Variants in AGTPBP1 observed in about 807,000 individuals in gnomAD.
The protein encoded by AGTPBP1 is cytosolic carboxypeptidase 1.
AGTPBP1 carries 70 observed loss-of-function variants against 143.9 expected under a neutral mutation model. The ratio of observed to expected loss-of-function variants is 0.49; its 90% CI spans 0.40 to 0.59. The LOEUF is 0.59. AGTPBP1 is among the 20% of genes least tolerant of loss of function. AGTPBP1 has a pLI of 0.00. For synonymous variants in AGTPBP1, 463 were observed against 500.2 expected (o/e 0.93, Z 0.99); for missense variants, 1,229 against 1,464.5 (o/e 0.84, Z 2.62).
At chr9:85,584,342 G>T (rs572977325) in intron 23 of AGTPBP1, among the ~76,000 whole-genome samples, 1 of 152,042 alleles carries the variant, frequency 6.6e-6, no homozygotes, top group Admixed American at 6.5e-5. Flanking sequence ...CTTTATCCTG[G>T]GCTTTGTCTC....
chr9:85,678,198 T>C (rs768639586), intron 5 of AGTPBP1, 137 bp downstream of exon 5: 1 of 552,178 alleles, frequency 1.8e-6, no homozygotes, highest in Non-Finnish European at 3.1e-6. Flanking sequence ...AACAACAAAC[T>C]ATGACATTTC....
chr9:85,700,666 TAAG>T (rs1025934781), intron 2 of AGTPBP1, among the ~76,000 whole-genome samples: 1 of 152,216 alleles, frequency 6.6e-6, no homozygotes, highest in Non-Finnish European at 1.5e-5. Flanking sequence ...CTTTTAAGAA[TAAG>T]ATGTGCATCC....
At chr9:85,775,817 T>A in the AGTPBP1 span, among the ~76,000 whole-genome samples, 1 of 152,104 alleles carries the variant, frequency 6.6e-6, no homozygotes, top group Non-Finnish European at 1.5e-5. Flanking sequence ...GCCTGCTTTA[T>A]ATTCATTGGC....
rs1389416715 is a variant in AGTPBP1 at position 85,681,255 on chromosome 9, G to A, written c.225+13C>T. 1.2e-6 allele frequency: 2 copies of A among 1,610,634 alleles called. No homozygotes were observed. The highest frequency in any genetic ancestry group is 3.4e-5 in the Admixed American group (2 of 59,620). ...ATTAGTAGTTACATAATTAAAGCGTGTCACTGATTTACCTCTAATGTTGAC... is the reference window on the plus strand; with the variant it reads ...ATTAGTAGTTACATAATTAAAGCGTATCACTGATTTACCTCTAATGTTGAC... On this transcript the variant is annotated intron_variant, in intron 4 of 25. Transcript: ENST00000357081.
the AGTPBP1 span, chr9:85,781,225 G>GA: frequency 6.6e-7 from 1 of 1,517,748 alleles, no homozygotes; most frequent in African/African-American, 1.4e-5. Flanking sequence ...AGGCATTATG[G>GA]AAACTTTCAA....
At chr9:85,770,388 A>G in the AGTPBP1 span, 7 of 1,604,628 alleles carry the variant, frequency 4.4e-6, no homozygotes, top group Non-Finnish European at 5.1e-6. Flanking sequence ...CACTTAGAGC[A>G]TCATTCCATA....
intron 25 of AGTPBP1, among the ~76,000 whole-genome samples, chr9:85,568,846 G>T (rs183233600): frequency 6.6e-6 from 1 of 152,256 alleles, no homozygotes; most frequent in East Asian, 1.9e-4. Context: ...GGACAGGGGT[G>T]GCTAAGAATG....
Position 85,648,310 on chromosome 9 carries a change from C to T in AGTPBP1, c.1088-1892G>A, listed in dbSNP as rs144629145. 3.0e-4 allele frequency among the ~76,000 whole-genome samples: 45 copies of T among 152,236 alleles called. 1 individual carries two copies. In the East Asian group the frequency reaches 7.9e-3, roughly 27 times the overall value. On this transcript the variant is annotated intron_variant, in intron 11 of 25. Coordinates refer to ENST00000357081, the MANE Select transcript of AGTPBP1 (RefSeq NM_001330701.2). Reference sequence around the variant, plus strand: ...ACTGTGCTACTGGGTCTCTTTGTAACAGCAGTTTAGTCGACCCTAACTAAT... The same window carrying T: ...ACTGTGCTACTGGGTCTCTTTGTAATAGCAGTTTAGTCGACCCTAACTAAT...
chr9:85,775,752 G>A, the AGTPBP1 span, among the ~76,000 whole-genome samples: 1 of 151,956 alleles, frequency 6.6e-6, no homozygotes, highest in Non-Finnish European at 1.5e-5. Context: ...CATTCAGCAT[G>A]GGAGAAAGAT....
intron 1 of AGTPBP1, among the ~76,000 whole-genome samples, chr9:85,721,042 G>A (rs1838077516): frequency 1.3e-5 from 2 of 152,100 alleles, no homozygotes. Flanking sequence ...AGTTTGTTGT[G>A]ATTTCTGCTC....
intron 7 of AGTPBP1, among the ~76,000 whole-genome samples, chr9:85,670,064 G>A (rs1834389485): frequency 6.6e-6 from 1 of 152,182 alleles, no homozygotes. Flanking sequence ...AGACATTTCT[G>A]GAGAAAATGA....
rs541856040 is a variant in AGTPBP1 at position 85,635,279 on chromosome 9, A to G, written c.1303-1905T>C. Among the ~76,000 whole-genome samples, 4 of 152,302 alleles carry G rather than the reference A, an allele frequency of 2.6e-5. No homozygotes were observed. In the East Asian group the frequency reaches 7.7e-4, roughly 29 times the overall value. The stretch of plus-strand genomic sequence containing the variant: ...ATGGAGTCCAAATTAAGAATCTTCC[A>G]TTGTGATTTATTCCTTGAATGTCCA... On this transcript the variant is annotated intron_variant, in intron 13 of 25. Transcript: ENST00000357081.
chr9:85,714,732 T>G lies in AGTPBP1; in HGVS notation c.-33-2166A>C, dbSNP rs150717124. ...ATTATATAGCATTCCTTAAAATAAT[T>G]ATAGATATTGGTATTGTTTCTGGCA... is the stretch of plus-strand genomic sequence containing the variant. On this transcript the variant is annotated intron_variant, in intron 1 of 25. Coordinates refer to ENST00000357081, the MANE Select transcript of AGTPBP1 (RefSeq NM_001330701.2). Among the ~76,000 whole-genome samples, 401 of 152,300 alleles carry G rather than the reference T, an allele frequency of 2.6e-3. 3 individuals carry two copies. The highest frequency in any genetic ancestry group is 9.3e-3 in the African/African-American group (388 of 41,570).
chr9:85,647,124 A>C (rs1175775592), intron 11 of AGTPBP1, among the ~76,000 whole-genome samples: 1 of 152,146 alleles, frequency 6.6e-6, no homozygotes, highest in Non-Finnish European at 1.5e-5. Context: ...TTAAAAATAC[A>C]AAATTAGCTG....
chr9:85,777,811 G>A, the AGTPBP1 span, among the ~76,000 whole-genome samples: 2 of 152,140 alleles, frequency 1.3e-5, no homozygotes, highest in African/African-American at 2.4e-5. Context: ...GTATATAACC[G>A]CATATCTGGC....
chr9:85,631,898 C>T (rs62566944), intron 14 of AGTPBP1, among the ~76,000 whole-genome samples: 2,547 of 152,214 alleles, frequency 0.017, 25 homozygotes, highest in Middle Eastern at 0.054. Context: ...TATTTAATAT[C>T]ATTTGCAATA....
chr9:85,635,709 A>G (rs1266661539), intron 13 of AGTPBP1, among the ~76,000 whole-genome samples: 1 of 152,052 alleles, frequency 6.6e-6, no homozygotes, highest in Admixed American at 6.6e-5. Context: ...CCCATCTCAA[A>G]GGCGATGAAG....
the AGTPBP1 span, among the ~76,000 whole-genome samples, chr9:85,793,841 TG>T: frequency 6.6e-6 from 1 of 152,088 alleles, no homozygotes; most frequent in East Asian, 1.9e-4. Context: ...TTCCAAAGGG[TG>T]GGCTGGTAGC....
At chr9:85,768,412 T>A in the AGTPBP1 span, among the ~76,000 whole-genome samples, 2 of 152,210 alleles carry the variant, frequency 1.3e-5, no homozygotes, top group Admixed American at 1.3e-4. Flanking sequence ...GTACATCAGG[T>A]CCTCAAATTA....
Sources: allele counts gnomAD v4.1 joint callset (sites outside exome capture counted in the v4.1 genomes callset), GRCh38; gene constraint gnomAD v4.1.1; transcripts MANE v1.5; gene names NCBI Gene and HGNC (gene_info 2026-07-23, HGNC 2026-07-21).